MLLT1: variants seen among roughly 807,000 people sequenced by gnomAD.
MLLT1 encodes the protein MLLT1 super elongation complex subunit.
Under a neutral mutation model 55.1 loss-of-function variants are expected in MLLT1, and 11 were observed. That is an observed-to-expected ratio of 0.20 (90% CI 0.13 to 0.33). MLLT1 has a LOEUF of 0.33. Ranked by LOEUF, MLLT1 falls within the 10% of genes least tolerant of loss-of-function variation. MLLT1 has a pLI of 1.00. For synonymous variants in MLLT1, 323 were observed against 320.1 expected, an observed-to-expected ratio of 1.01 and a Z score of -0.10; for missense variants, 536 against 760.6, an observed-to-expected ratio of 0.70 and a Z score of 3.47.
At chr19:6,253,264 C>CA (rs71172800) in intron 3 of MLLT1, among the ~76,000 whole-genome samples, 769 of 24,558 alleles carry the variant, frequency 0.031, 188 homozygotes, top group East Asian at 0.18. Flanking sequence ...GACCCCATCT[C>CA]AAAAAAAAAA....
At position 6,227,943 on chromosome 19, in the gene MLLT1, T is replaced by C. The variant is rs1338037387; in HGVS notation, c.421-841A>G. On this transcript the variant is annotated intron_variant, in intron 4 of 11. Coordinates refer to ENST00000252674, the MANE Select transcript of MLLT1 (RefSeq NM_005934.4). The surrounding 1 kb of genome is among the most constrained non-coding windows in gnomAD (Gnocchi z 5.1). ...GAAAATACACTTCAAAAAAAAAGTA[T>C]TGAAGTCGGTAGAAGAAGCACTGCT... Among the ~76,000 whole-genome samples the C allele has an allele frequency of 6.6e-6, 1 of 152,170 alleles. No individual in the cohort carries two copies. Among genetic ancestry groups the C allele is most frequent in the Non-Finnish European group, 1.5e-5 (1 of 68,028 alleles).
intron 3 of MLLT1, among the ~76,000 whole-genome samples, chr19:6,239,000 T>G (rs2091089691): frequency 6.6e-6 from 1 of 152,202 alleles, no homozygotes; most frequent in South Asian, 2.1e-4. Context: ...GGCATCACTC[T>G]CTCACCAGCT....
At chr19:6,253,851 T>C (rs1362416383) in intron 3 of MLLT1, among the ~76,000 whole-genome samples, 2 of 152,144 alleles carry the variant, frequency 1.3e-5, no homozygotes, top group African/African-American at 4.8e-5. Flanking sequence ...GAAATATATA[T>C]ATTTGGTCTC....
chr19:6,268,542 G>C (rs968920365), intron 2 of MLLT1, among the ~76,000 whole-genome samples: 1 of 152,156 alleles, frequency 6.6e-6, no homozygotes, highest in Non-Finnish European at 1.5e-5. Flanking sequence ...AAGCTGGGGC[G>C]GAAGTAAAAG....
At chr19:6,265,230 C>G (rs1035869490) in intron 2 of MLLT1, among the ~76,000 whole-genome samples, 1 of 152,160 alleles carries the variant, frequency 6.6e-6, no homozygotes, top group Non-Finnish European at 1.5e-5. Flanking sequence ...GTGATATATA[C>G]TCCCAAAATG....
chr19:6,224,668 G>C (rs770276010), intron 5 of MLLT1, among the ~76,000 whole-genome samples: 1 of 152,346 alleles, frequency 6.6e-6, no homozygotes, highest in East Asian at 1.9e-4. Flanking sequence ...TCCCACACAG[G>C]AGCACAGGCA....
At chr19:6,265,038 C>CAAAAAAAAAAAA (rs928827048) in intron 2 of MLLT1, among the ~76,000 whole-genome samples, 16 of 21,196 alleles carry the variant, frequency 7.5e-4, no homozygotes, top group Non-Finnish European at 1.1e-3. Context: ...TAGTGAACAG[C>CAAAAAAAAAAAA]AAAAAAAAAA....
intron 3 of MLLT1, among the ~76,000 whole-genome samples, chr19:6,238,410 G>T (rs1279994627): frequency 6.6e-6 from 1 of 152,226 alleles, no homozygotes; most frequent in Non-Finnish European, 1.5e-5. Flanking sequence ...TAGTAGACGT[G>T]ATGTCTAGGA....
At chr19:6,277,226 G>A (rs998556830) in intron 1 of MLLT1, among the ~76,000 whole-genome samples, 6 of 152,292 alleles carry the variant, frequency 3.9e-5, no homozygotes, top group African/African-American at 1.4e-4. Flanking sequence ...CAGAACCCTT[G>A]GGCCTCTCTC....
rs996550387 is a variant in MLLT1 at position 6,235,372 on chromosome 19, C to T, written c.277-4659G>A. On this transcript the variant is annotated intron_variant, in intron 3 of 11. Transcript: ENST00000252674. This position sits in a 1 kb window ranked among gnomAD's most constrained non-coding sequence, Gnocchi z 5.5. ...TAGGCCTCAGGTTCCTCACGGGCAGCATGGGGGGATTCGCTGCAATGCCAC... is the reference window on the plus strand; with the variant it reads ...TAGGCCTCAGGTTCCTCACGGGCAGTATGGGGGGATTCGCTGCAATGCCAC... 2.0e-5 allele frequency among the ~76,000 whole-genome samples: 3 copies of T among 152,200 alleles called. No individual in the cohort carries two copies. The highest frequency in any genetic ancestry group is 6.5e-5 in the Admixed American group (1 of 15,280).
chr19:6,279,822 TCGCCGC>T lies in MLLT1; in HGVS notation c.-44_-39del, dbSNP rs898522554. 85 of 148,418 alleles carry T rather than the reference TCGCCGC, an allele frequency of 5.7e-4. No homozygotes were observed. Among genetic ancestry groups the T allele is most frequent in the Non-Finnish European group, 8.7e-4 (61 of 69,956 alleles). 9.2% of individuals were successfully genotyped at this position (148,418 alleles called of 1,614,324 possible). ...GCCCCGCCCCCGGGCCCCGCGTCGC[TCGCCGC>T]CGCCGCCGCCGCCGCCGCCGCTCAA... On this transcript the variant is annotated 5_prime_UTR_variant, in exon 1 of 12. Coordinates refer to ENST00000252674, the MANE Select transcript of MLLT1 (RefSeq NM_005934.4).
chr19:6,213,850 C>A (rs568031697), intron 9 of MLLT1, 53 bp from the exon 10 acceptor site: 4 of 1,595,962 alleles, frequency 2.5e-6, no homozygotes, highest in Non-Finnish European at 3.4e-6. Flanking sequence ...TCCCCAGCCC[C>A]GAAGGCCCCA....
intron 5 of MLLT1, among the ~76,000 whole-genome samples, chr19:6,224,762 T>A (rs1325526999): frequency 6.6e-6 from 1 of 152,168 alleles, no homozygotes; most frequent in Admixed American, 6.5e-5. Context: ...CGGAGTCTTG[T>A]TATGTCGCCC....
Position 6,262,431 on chromosome 19 carries a change from G to A in MLLT1, c.194-121C>T, listed in dbSNP as rs554680941. On this transcript the variant is annotated intron_variant, in intron 2 of 11. Transcript: ENST00000252674. The surrounding 1 kb of genome is among the most constrained non-coding windows in gnomAD (Gnocchi z 4.4). ...CTCACAGGGGCTTGGCTGGCCTCTC[G>A]GGGGTGGCTTTTCAGGAGGTTAAGC... 3.9e-5 allele frequency: 29 copies of A among 751,350 alleles called. No homozygotes were observed. The highest frequency in any genetic ancestry group is 5.3e-5 in the African/African-American group (3 of 57,096). 46.5% of individuals were successfully genotyped at this position (751,350 alleles called of 1,614,324 possible).
chr19:6,264,839 G>T lies in MLLT1; in HGVS notation c.194-2529C>A, dbSNP rs968233655. On this transcript the variant is annotated intron_variant, in intron 2 of 11. Transcript: ENST00000252674. ...GCACCCAGGCGGTGGAGGTTGCAGTGAGCCAAGATAGTGCCACTGCCCTCC... is the reference window on the plus strand; with the variant it reads ...GCACCCAGGCGGTGGAGGTTGCAGTTAGCCAAGATAGTGCCACTGCCCTCC... Among the ~76,000 whole-genome samples the T allele has an allele frequency of 3.5e-5, 5 of 142,230 alleles. No homozygotes were observed. In the Admixed American group the frequency reaches 3.7e-4, roughly 10 times the overall value. 93.3% of individuals were successfully genotyped at this position (142,230 alleles called of 152,430 possible).
intron 8 of MLLT1, among the ~76,000 whole-genome samples, chr19:6,214,355 C>T (rs2090817588): frequency 6.6e-6 from 1 of 152,240 alleles, no homozygotes; most frequent in Non-Finnish European, 1.5e-5. Context: ...TGACTTGGTT[C>T]TGTGGCTTTA....
Position 6,222,737 on chromosome 19 carries a change from T to G in MLLT1, c.547-53A>C, listed in dbSNP as rs933231958. 1 of 1,456,008 alleles carries G rather than the reference T, an allele frequency of 6.9e-7. No homozygotes were observed. Among genetic ancestry groups the G allele is most frequent in the Non-Finnish European group, 9.1e-7 (1 of 1,101,514 alleles). 90.2% of individuals were successfully genotyped at this position (1,456,008 alleles called of 1,614,324 possible). A position where few individuals can be genotyped will look rare whatever the true frequency, so the allele number is the denominator to read the frequency against. Reference sequence around the variant, plus strand: ...GGGGAGAGACAAGGTCACGTGGCATTGCGGGGCGCCCTGCTCCGCCACCCC... The same window carrying G: ...GGGGAGAGACAAGGTCACGTGGCATGGCGGGGCGCCCTGCTCCGCCACCCC... On this transcript the variant is annotated intron_variant, in intron 5 of 11. Coordinates refer to ENST00000252674, the MANE Select transcript of MLLT1 (RefSeq NM_005934.4). The surrounding 1 kb of genome is among the most constrained non-coding windows in gnomAD (Gnocchi z 4.1).
chr19:6,268,692 G>A (rs1362018796), intron 2 of MLLT1, among the ~76,000 whole-genome samples: 2 of 152,102 alleles, frequency 1.3e-5, no homozygotes, highest in African/African-American at 4.8e-5. Context: ...GCCGCTATCT[G>A]CCTCCAGGCC....
At chr19:6,251,962 A>G (rs2091219039) in intron 3 of MLLT1, among the ~76,000 whole-genome samples, 7 of 152,092 alleles carry the variant, frequency 4.6e-5, no homozygotes, top group Admixed American at 3.9e-4. Flanking sequence ...CACAAAGAAA[A>G]AAGAAAAAAA....
Sources: allele counts gnomAD v4.1 joint callset (sites outside exome capture counted in the v4.1 genomes callset), GRCh38; gene constraint gnomAD v4.1.1; non-coding constraint Gnocchi (gnomAD v3.1); transcripts MANE v1.5; gene names NCBI Gene and HGNC (gene_info 2026-07-23, HGNC 2026-07-21).